The following PFKP variants were observed in gnomAD, a reference collection of about 807,000 sequenced individuals.
PFKP encodes the protein phosphofructokinase, platelet.
In PFKP, 101 loss-of-function variants were observed where a neutral mutation model predicts 94.3. That is an observed-to-expected ratio of 1.07 (90% CI 0.91 to 1.26). The LOEUF is 1.26. Ranked by LOEUF, PFKP falls within the 50% of genes most tolerant of loss-of-function variation. PFKP has a pLI of 0.00. For synonymous variants in PFKP, 573 were observed against 432.6 expected (o/e 1.32, Z -4.03); for missense variants, 1,145 against 1,103.3 (o/e 1.04, Z -0.53).
chr10:3,092,042 A>G (rs1171498268), intron 2 of PFKP, among the ~76,000 whole-genome samples: 1 of 152,194 alleles, frequency 6.6e-6, no homozygotes, highest in Non-Finnish European at 1.5e-5. Flanking sequence ...ATCAGCATCC[A>G]GCCTCTGGTC....
chr10:3,086,210 G>C (rs1026083822), intron 2 of PFKP, among the ~76,000 whole-genome samples: 1 of 152,192 alleles, frequency 6.6e-6, no homozygotes, highest in Non-Finnish European at 1.5e-5. Context: ...TTTCACGGCT[G>C]CTCCTGTTCC....
At chr10:3,124,667 G>A (rs781071201) in intron 16 of PFKP, among the ~76,000 whole-genome samples, 8 of 152,182 alleles carry the variant, frequency 5.3e-5, no homozygotes, top group Non-Finnish European at 7.4e-5. Context: ...CCTTACAGCC[G>A]TGTGCCCCAT....
intron 2 of PFKP, among the ~76,000 whole-genome samples, chr10:3,089,598 C>G (rs991762133): frequency 6.6e-6 from 1 of 151,630 alleles, no homozygotes; most frequent in Admixed American, 6.6e-5. Context: ...GTGTTAGGAA[C>G]ACTCCAATTT....
chr10:3,090,640 T>C (rs61628302), intron 2 of PFKP, among the ~76,000 whole-genome samples: 9,580 of 151,822 alleles, frequency 0.063, 999 homozygotes, highest in African/African-American at 0.22. Flanking sequence ...GGGTGGGCAA[T>C]TCTTGGTGGG....
intron 1 of PFKP, among the ~76,000 whole-genome samples, chr10:3,080,003 G>A (rs556866416): frequency 6.6e-6 from 1 of 152,226 alleles, no homozygotes; most frequent in Non-Finnish European, 1.5e-5. Flanking sequence ...GGCAAGCCAG[G>A]CCCTTTTCCT....
At chr10:3,085,990 C>A (rs575342282) in intron 2 of PFKP, among the ~76,000 whole-genome samples, 2 of 144,118 alleles carry the variant, frequency 1.4e-5, no homozygotes, top group Non-Finnish European at 3.1e-5. Context: ...TTTGGGTGGG[C>A]GGGGGAGAGG....
At chr10:3,121,581 G>GTTTT (rs10528387) in intron 16 of PFKP, among the ~76,000 whole-genome samples, 1 of 133,050 alleles carries the variant, frequency 7.5e-6, no homozygotes, top group Non-Finnish European at 1.6e-5. Context: ...ATAAATAACT[G>GTTTT]TTTTTTTTTT....
intron 7 of PFKP, 122 bp from the exon 8 acceptor site, chr10:3,107,092 A>T (rs1835708069): frequency 3.2e-6 from 2 of 628,918 alleles, no homozygotes; most frequent in East Asian, 5.7e-5. Context: ...TTAGGAAGTT[A>T]GGCAAAGATT....
chr10:3,125,012 TC>T (rs1837794810), intron 16 of PFKP: 1 of 1,065,980 alleles, frequency 9.4e-7, no homozygotes, highest in Non-Finnish European at 1.2e-6. Context: ...TCCCCTCCCG[TC>T]CCTTCCTGGA....
intron 3 of PFKP, among the ~76,000 whole-genome samples, chr10:3,100,344 G>GGTGC (rs1351342800): frequency 1.3e-5 from 2 of 152,132 alleles, no homozygotes; most frequent in Non-Finnish European, 2.9e-5. Flanking sequence ...GGTCACACTT[G>GGTGC]GTGCCAGTGA....
intron 7 of PFKP, 151 bp downstream of exon 7, chr10:3,105,652 G>C (rs1034907094): frequency 3.1e-6 from 2 of 645,266 alleles, no homozygotes; most frequent in Non-Finnish European, 5.6e-6. Context: ...GACTGTGAGC[G>C]TGGGGCATGT....
Position 3,076,243 on chromosome 10 carries a change from G to A in PFKP, c.113-6145G>A, listed in dbSNP as rs573815671. On this transcript the variant is annotated intron_variant, in intron 1 of 21. Coordinates refer to ENST00000381125, the MANE Select transcript of PFKP (RefSeq NM_002627.5). Reference sequence around the variant, plus strand: ...CTCCTCTGAGGGACAGTGTGGTCACGCAATGGGTGGCGTGTGCTGCCTGTA... The same window carrying A: ...CTCCTCTGAGGGACAGTGTGGTCACACAATGGGTGGCGTGTGCTGCCTGTA... Among the ~76,000 whole-genome samples the A allele has an allele frequency of 7.9e-5, 12 of 152,228 alleles. No homozygotes were observed. The South Asian group carries it at 8.3e-4, about 11-fold the overall frequency.
intron 10 of PFKP, among the ~76,000 whole-genome samples, chr10:3,111,072 T>C (rs1281075368): frequency 6.6e-6 from 1 of 151,258 alleles, no homozygotes; most frequent in Non-Finnish European, 1.5e-5. Flanking sequence ...GTGTGTGAGG[T>C]AATGCATCTG....
intron 21 of PFKP, 34 bp from the exon 22 acceptor site, chr10:3,136,416 C>G: frequency 6.2e-7 from 1 of 1,610,648 alleles, no homozygotes; most frequent in Non-Finnish European, 8.5e-7. Context: ...CCAGTGACTG[C>G]AGGCCTCACT....
intron 16 of PFKP, among the ~76,000 whole-genome samples, chr10:3,127,995 G>A (rs766627983): frequency 1.0e-4 from 15 of 149,776 alleles, no homozygotes; most frequent in Non-Finnish European, 2.1e-4. Context: ...AGACTCTCAC[G>A]TGGCTCCTAG....
intron 2 of PFKP, among the ~76,000 whole-genome samples, chr10:3,089,744 ATAT>A (rs1361453305): frequency 2.7e-5 from 4 of 150,832 alleles, no homozygotes; most frequent in African/African-American, 9.7e-5. Context: ...ACATTATTAT[ATAT>A]TATTAAACAT....
intron 13 of PFKP, among the ~76,000 whole-genome samples, chr10:3,114,186 G>A (rs539270924): frequency 6.8e-6 from 1 of 147,578 alleles, no homozygotes; most frequent in East Asian, 2.0e-4. Flanking sequence ...GTCTCGCTCT[G>A]TTGCCCAAAC....
chr10:3,102,230 G>T, intron 4 of PFKP, among the ~76,000 whole-genome samples: 1 of 104,776 alleles, frequency 9.5e-6, no homozygotes, highest in Admixed American at 1.3e-4. Flanking sequence ...CAGCCTGGGC[G>T]ACAGAGCGAG....
chr10:3,101,620 G>A (rs1281144327), intron 4 of PFKP, 66 bp downstream of exon 4: 1 of 1,187,018 alleles, frequency 8.4e-7, no homozygotes, highest in Non-Finnish European at 1.2e-6. Context: ...GGAACCGACA[G>A]GTTTCCCTCT....
Sources: gnomAD v4.1 joint callset for allele counts (sites outside exome capture counted in the v4.1 genomes callset) on GRCh38, gnomAD v4.1.1 for gene constraint, MANE v1.5 for transcripts, NCBI Gene and HGNC (gene_info 2026-07-23, HGNC 2026-07-21) for gene names.